Variants in TNRC6C observed in about 807,000 individuals in gnomAD.
The protein encoded by TNRC6C is trinucleotide repeat containing adaptor 6C, also known as trinucleotide repeat-containing gene 6C protein.
A neutral mutation model predicts 153.7 loss-of-function variants in TNRC6C; 20 were observed. The observed-to-expected ratio is 0.13, with a 90% CI of 0.09 to 0.19. The LOEUF is 0.19. TNRC6C is among the 10% of genes least tolerant of loss of function. The pLI is 1.00. For synonymous variants in TNRC6C, 811 were observed against 841.4 expected, an observed-to-expected ratio of 0.96 and a Z score of 0.63; for missense variants, 1,987 against 2,172.0, an observed-to-expected ratio of 0.91 and a Z score of 1.69.
intron 1 of TNRC6C, among the ~76,000 whole-genome samples, chr17:77,977,767 GAC>G (rs977111734): frequency 6.6e-6 from 1 of 151,208 alleles, no homozygotes; most frequent in African/African-American, 2.4e-5. Flanking sequence ...ACATACCAAA[GAC>G]ACAAAAAATG....
chr17:78,049,150 A>C lies in TNRC6C; in HGVS notation c.88A>C (p.Ser30Arg). 6.2e-7 allele frequency: 1 copy of C among 1,611,038 alleles called. No individual in the cohort carries two copies. Among genetic ancestry groups the C allele is most frequent in the Non-Finnish European group, 8.5e-7 (1 of 1,178,360 alleles). Residue 30 changes from serine (S) to arginine (R), a missense_variant, in exon 3 of 20, where the codon AGC becomes CGC. Ser to Arg is a moderately radical substitution (Grantham distance 110). This residue lies in a region of TNRC6C where 1,052 missense variants were observed against 1,017.0 expected (regional missense o/e 1.03). Coordinates refer to ENST00000301624, the Ensembl canonical transcript of TNRC6C. This position sits in a 1 kb window ranked among gnomAD's most constrained non-coding sequence, Gnocchi z 4.1. Reference sequence around the variant, plus strand: ...TGGCACCAATGGCGCACTCGTCCAAAGCCCTTCTAATCAGAGTGCCCTTGG... The same window carrying C: ...TGGCACCAATGGCGCACTCGTCCAACGCCCTTCTAATCAGAGTGCCCTTGG...
At chr17:77,958,881 C>T (rs891506945), upstream of TNRC6C, among the ~76,000 whole-genome samples, 3 of 146,594 alleles carry the variant, frequency 2.0e-5, no homozygotes, top group Non-Finnish European at 4.5e-5. Flanking sequence ...TCGCAGTAGC[C>T]GCGGGCCCGC....
intron 3 of TNRC6C, among the ~76,000 whole-genome samples, chr17:78,061,977 A>G (rs1305997124): frequency 1.3e-5 from 2 of 152,190 alleles, no homozygotes; most frequent in East Asian, 3.8e-4. Flanking sequence ...ATGATAAACA[A>G]ATTCTAGGTG....
chr17:78,081,098 G>A (rs532800864), intron 10 of TNRC6C, among the ~76,000 whole-genome samples: 7 of 152,074 alleles, frequency 4.6e-5, no homozygotes, highest in East Asian at 3.9e-4. Flanking sequence ...GTGAGGGCCC[G>A]TTTCTCATAG....
intron 1 of TNRC6C, among the ~76,000 whole-genome samples, chr17:77,978,705 C>G (rs371974269): frequency 2.0e-5 from 3 of 152,020 alleles, no homozygotes; most frequent in Non-Finnish European, 2.9e-5. Flanking sequence ...GTCACAAAAA[C>G]GGGAGTTCAG....
At chr17:77,971,435 C>G (rs963098337) in intron 1 of TNRC6C, among the ~76,000 whole-genome samples, 1 of 152,158 alleles carries the variant, frequency 6.6e-6, no homozygotes, top group Non-Finnish European at 1.5e-5. Flanking sequence ...ATACCACATA[C>G]GCACTGAAGA....
At chr17:77,999,013 A>G (rs868458780) in intron 1 of TNRC6C, among the ~76,000 whole-genome samples, 1 of 152,224 alleles carries the variant, frequency 6.6e-6, no homozygotes, top group Non-Finnish European at 1.5e-5. Context: ...GGCCTGGCCC[A>G]CATGTAGGAG....
chr17:78,104,552 G>T lies in TNRC6C; in HGVS notation c.4780G>T (p.Ala1594Ser). 6.4e-7 allele frequency: 1 copy of T among 1,553,498 alleles called. No homozygotes were observed. The highest frequency in any genetic ancestry group is 8.7e-7 in the Non-Finnish European group (1 of 1,147,444). Residue 1594 changes from alanine (A) to serine (S), a missense_variant, in exon 20 of 20, where the codon GCC (alanine) becomes TCC (serine). By Grantham distance (99) the Ala-to-Ser change is moderately conservative (BLOSUM62 1). Coordinates refer to ENST00000301624, the Ensembl canonical transcript of TNRC6C. This position sits in a 1 kb window ranked among gnomAD's most constrained non-coding sequence, Gnocchi z 6.2. ...TGAAGAAGAAGTGAATCGCTTCTTA[G>T]CCCAAGGCCAGGCGCTGCCACCCAC...
intron 1 of TNRC6C, among the ~76,000 whole-genome samples, chr17:78,029,082 C>T (rs1445541818): frequency 1.3e-5 from 2 of 152,322 alleles, no homozygotes; most frequent in East Asian, 3.9e-4. Context: ...ATGCAACTTA[C>T]TCTAATATGA....
chr17:78,002,401 C>T (rs979470422), upstream of TNRC6C, among the ~76,000 whole-genome samples: 9 of 152,124 alleles, frequency 5.9e-5, no homozygotes, highest in South Asian at 2.1e-4. Context: ...ATGTGGCTCC[C>T]GACTGTAACA....
intron 16 of TNRC6C, among the ~76,000 whole-genome samples, chr17:78,096,409 C>T (rs1036612169): frequency 1.5e-4 from 23 of 152,176 alleles, no homozygotes; most frequent in African/African-American, 5.6e-4. Flanking sequence ...ACTCCCTGAA[C>T]CCAAAATAAA....
chr17:78,049,193 G>A lies in TNRC6C; in HGVS notation c.131G>A (p.Ser44Asn). ...GCCCTTGGAGCAGGGGGAGCGAACA[G>A]TAATGGAAGTGCGGCCAGAGTGTGG... The change falls in exon 3 of 20, where the codon AGT becomes AAT. Residue 44 changes from serine (S) to asparagine (N), a missense_variant. Around this residue, in one of 4 missense-constraint regions of TNRC6C, gnomAD observed 1,052 missense variants for 1,017.0 expected, o/e 1.03. Transcript: ENST00000301624. The surrounding 1 kb of genome is among the most constrained non-coding windows in gnomAD (Gnocchi z 4.1). 5 of 1,613,316 alleles carry A rather than the reference G, an allele frequency of 3.1e-6. No homozygotes were observed. The highest frequency in any genetic ancestry group is 3.4e-6 in the Non-Finnish European group (4 of 1,179,560).
At chr17:78,023,732 GA>G (rs1459437946) in intron 1 of TNRC6C, among the ~76,000 whole-genome samples, 1 of 152,066 alleles carries the variant, frequency 6.6e-6, no homozygotes, top group East Asian at 1.9e-4. Context: ...CCTGAGCCCG[GA>G]AAGCCAAGGC....
At chr17:77,999,250 C>T (rs946145716), upstream of TNRC6C, among the ~76,000 whole-genome samples, 3 of 152,194 alleles carry the variant, frequency 2.0e-5, no homozygotes, top group African/African-American at 7.2e-5. Flanking sequence ...TTCTTTAGTC[C>T]TCTGCTGCGA....
chr17:78,009,947 G>T (rs1014064004), intron 1 of TNRC6C, among the ~76,000 whole-genome samples: 4 of 151,930 alleles, frequency 2.6e-5, no homozygotes, highest in Non-Finnish European at 5.9e-5. Flanking sequence ...GTAGTGGCAC[G>T]AACACAGCTC....
Position 78,104,993 on chromosome 17 carries a change from G to A in TNRC6C, c.*148G>A. The A allele has an allele frequency of 1.8e-6, 2 of 1,127,168 alleles. No individual in the cohort carries two copies. Among genetic ancestry groups the A allele is most frequent in the South Asian group, 5.6e-5 (2 of 35,848 alleles). 69.8% of individuals were successfully genotyped at this position (1,127,168 alleles called of 1,614,324 possible). ...AAGACGAACCTTGGCCGCAGTCCTT[G>A]CGAACTGTTCGCAAAACAGTGCGGG... On this transcript the variant is annotated 3_prime_UTR_variant, in exon 20 of 20. Transcript: ENST00000301624. The surrounding 1 kb of genome is among the most constrained non-coding windows in gnomAD (Gnocchi z 6.2).
chr17:78,100,317 C>T (rs1165440691), intron 17 of TNRC6C, among the ~76,000 whole-genome samples: 1 of 152,244 alleles, frequency 6.6e-6, no homozygotes, highest in African/African-American at 2.4e-5. Context: ...TCCATGAGAG[C>T]CCTGCCCCAC....
At chr17:78,073,588 C>G (rs778088586) in intron 7 of TNRC6C, among the ~76,000 whole-genome samples, 3 of 152,112 alleles carry the variant, frequency 2.0e-5, no homozygotes, top group Non-Finnish European at 2.9e-5. Context: ...TAAATATAGT[C>G]GATTCTTATT....
At chr17:77,964,449 G>C (rs1431112892) in intron 1 of TNRC6C, among the ~76,000 whole-genome samples, 8 of 152,168 alleles carry the variant, frequency 5.3e-5, no homozygotes, top group African/African-American at 1.9e-4. Context: ...TGCCCAGGTG[G>C]TTATTGGGAA....
Sources: gnomAD v4.1 joint callset for allele counts (sites outside exome capture counted in the v4.1 genomes callset) on GRCh38, gnomAD v4.1.1 for gene constraint, gnomAD v4.1.1 regional missense constraint, Gnocchi (gnomAD v3.1) non-coding constraint, MANE v1.5 for transcripts, NCBI Gene and HGNC (gene_info 2026-07-23, HGNC 2026-07-21) for gene names.